The following PCNT variants were observed in gnomAD, a reference collection of about 807,000 sequenced individuals.
The protein encoded by PCNT is kendrin.
PCNT carries 319 observed loss-of-function variants against 380.4 expected under a neutral mutation model. The observed-to-expected ratio is 0.84, with a 90% confidence interval of 0.77 to 0.92. The LOEUF (loss-of-function observed/expected upper bound fraction) is 0.92, where lower values mean the gene tolerates loss of function less well. PCNT is among the 40% of genes least tolerant of loss of function. PCNT has a pLI of 0.00. For missense variants in PCNT, 4,400 were observed against 4,255.3 expected, an observed-to-expected ratio of 1.03 and a Z score of -0.95; for synonymous variants, 1,845 against 1,735.2, an observed-to-expected ratio of 1.06 and a Z score of -1.57.
chr21:46,431,765 G>T lies in PCNT; in HGVS notation c.8301G>T (p.Leu2767=). The change falls in exon 38 of 47, where the codon CTG becomes CTT. Residue 2767 remains leucine (L), a synonymous_variant. Coordinates refer to ENST00000359568, the MANE Select transcript of PCNT (RefSeq NM_006031.6). ...AGGCCTTGCGGCACGAGCGGCTCCT[G>T]ACCGAGCAGCTGAGCCAGAGGACAC... ...LSEALRHERL[L]TEQLSQRTQE... 6.2e-7 allele frequency: 1 copy of T among 1,612,800 alleles called. No homozygotes were observed.
At chr21:46,330,264 T>A (rs550079139) in intron 2 of PCNT, among the ~76,000 whole-genome samples, 16 of 152,080 alleles carry the variant, frequency 1.1e-4, no homozygotes, top group African/African-American at 3.9e-4. Context: ...ACTACAGGCA[T>A]GTGCCACCAT....
At chr21:46,391,908 C>T (rs1325180496) in intron 21 of PCNT, among the ~76,000 whole-genome samples, 1 of 152,188 alleles carries the variant, frequency 6.6e-6, no homozygotes. Flanking sequence ...CGAGCAAAGG[C>T]TTTTCACATT....
chr21:46,436,843 G>T, intron 39 of PCNT, 136 bp from the exon 40 acceptor site: 1 of 729,004 alleles, frequency 1.4e-6, no homozygotes. Context: ...TCTGCCTCAC[G>T]GCTGGACGAA....
intron 2 of PCNT, among the ~76,000 whole-genome samples, chr21:46,331,156 AAGTCTTTTTTCTTTTTTTTG>A (rs935814739): frequency 1.3e-5 from 2 of 152,126 alleles, no homozygotes; most frequent in African/African-American, 4.8e-5. Context: ...TTTCTAGCAT[AAGTCTTTTTTCTTTTTTTTG>A]GAGACAGGTC....
chr21:46,372,094 G>A (rs1053114481), intron 15 of PCNT, among the ~76,000 whole-genome samples: 2 of 142,960 alleles, frequency 1.4e-5, no homozygotes, highest in East Asian at 4.2e-4. Context: ...CGCACACATA[G>A]CACATGTGCA....
chr21:46,379,940 G>T (rs2085457127), intron 15 of PCNT, among the ~76,000 whole-genome samples: 1 of 152,114 alleles, frequency 6.6e-6, no homozygotes, highest in Non-Finnish European at 1.5e-5. Context: ...TTTCCAGCGT[G>T]GGCACAGCCC....
chr21:46,403,176 C>A (rs1205425869), intron 27 of PCNT, among the ~76,000 whole-genome samples: 1 of 145,772 alleles, frequency 6.9e-6, no homozygotes, highest in Non-Finnish European at 1.5e-5. Context: ...CCACGCGGCG[C>A]GTGCTCGGTG....
Position 46,325,103 on chromosome 21 carries a change from C to G in PCNT, c.54+821C>G, listed in dbSNP as rs2083330267. The G allele has an allele frequency of 3.2e-5, 32 of 985,542 alleles. No homozygotes were observed. In the South Asian group the frequency reaches 1.3e-3, roughly 40 times the overall value. 61.0% of individuals were successfully genotyped at this position (985,542 alleles called of 1,614,324 possible). ...AAGCGCTCGGTTTGATGGCCACTGT[C>G]CTAGGTTTCGTGGGAATAAAGCGCG... On this transcript the variant is annotated intron_variant, in intron 1 of 46. Transcript: ENST00000359568.
chr21:46,391,215 C>T lies in PCNT; in HGVS notation c.4055C>T (p.Ala1352Val), dbSNP rs1304554276. Residue 1352 changes from alanine to valine, a missense_variant, in exon 21 of 47, where the codon GCC becomes GTC. Transcript: ENST00000359568. ...VETADLKEVL[A>V]GKEDSEHRLV... ...ACAGCAGATCTGAAGGAGGTGCTGGCCGGGAAGGAGGATTCCGAGCACCGT... is the reference window on the plus strand; with the variant it reads ...ACAGCAGATCTGAAGGAGGTGCTGGTCGGGAAGGAGGATTCCGAGCACCGT... 3.1e-6 allele frequency: 5 copies of T among 1,609,296 alleles called. No individual in the cohort carries two copies. The highest frequency in any genetic ancestry group is 4.2e-6 in the Non-Finnish European group (5 of 1,178,008).
chr21:46,416,939 A>T, intron 30 of PCNT, 100 bp downstream of exon 30: 1 of 1,205,538 alleles, frequency 8.3e-7, no homozygotes, highest in African/African-American at 1.5e-5. Flanking sequence ...CTGACAGCAC[A>T]CACCTCGCAG....
Position 46,411,312 on chromosome 21 carries a change from G to C in PCNT, c.5239G>C (p.Glu1747Gln). 1 of 1,614,196 alleles carries C rather than the reference G, an allele frequency of 6.2e-7. No individual in the cohort carries two copies. The highest frequency in any genetic ancestry group is 1.3e-5 in the African/African-American group (1 of 75,074). Residue 1747 changes from glutamate to glutamine, a missense_variant, in exon 28 of 47, where the codon GAG becomes CAG. Coordinates refer to ENST00000359568, the MANE Select transcript of PCNT (RefSeq NM_006031.6). The part of the protein sequence containing the change: ...EEIEQLHEVI[E>Q]KLQHELSLMG... ...AATTGAACAACTCCATGAAGTCATTGAGAAGCTGCAGCACGAGCTGTCCCT... is the reference window on the plus strand; with the variant it reads ...AATTGAACAACTCCATGAAGTCATTCAGAAGCTGCAGCACGAGCTGTCCCT...
At position 46,349,747 on chromosome 21, in the gene PCNT, A is replaced by G; in HGVS notation, c.1271A>G (p.Gln424Arg). The G allele has an allele frequency of 6.2e-7, 1 of 1,613,928 alleles. No homozygotes were observed. The highest frequency in any genetic ancestry group is 8.5e-7 in the Non-Finnish European group (1 of 1,179,776). ...ATTGAGAAGTTACGTGAAGACCTGC[A>G]GTCCGAGCACGGCCGGTGTTTAGAA... ...AAIEKLREDL[Q>R]SEHGRCLEDL... The change falls in exon 8 of 47, where the codon CAG becomes CGG. Residue 424 changes from glutamine to arginine, a missense_variant. Transcript: ENST00000359568.
chr21:46,439,092 TTA>T (rs1240436465), intron 41 of PCNT, among the ~76,000 whole-genome samples: 1 of 152,210 alleles, frequency 6.6e-6, no homozygotes, highest in East Asian at 1.9e-4. Flanking sequence ...TTATAACTTT[TTA>T]AAAATTATTT....
chr21:46,343,519 G>C (rs1235130441), intron 3 of PCNT, among the ~76,000 whole-genome samples: 1 of 152,154 alleles, frequency 6.6e-6, no homozygotes, highest in Non-Finnish European at 1.5e-5. Flanking sequence ...GATTCCGTTA[G>C]CTAGTATTTT....
Position 46,397,393 on chromosome 21 carries a change from C to G in PCNT, c.4345C>G (p.Gln1449Glu), listed in dbSNP as rs139432601. The G allele has an allele frequency of 5.9e-3, 9,489 of 1,614,208 alleles. 54 individuals carry two copies. Among genetic ancestry groups the G allele is most frequent in the Non-Finnish European group, 7.3e-3 (8,578 of 1,180,030 alleles). ...LESELEEQLSQHRGCAKQAEA... is the reference protein window; with the variant it reads ...LESELEEQLSEHRGCAKQAEA... The stretch of plus-strand genomic sequence containing the variant: ...GTCTGAGTTAGAAGAACAGCTGTCT[C>G]AGCATCGCGGGTGTGCCAAGCAGGC... Residue 1449 changes from glutamine (Q) to glutamate (E), a missense_variant, in exon 22 of 47, where the codon CAG (glutamine) becomes GAG (glutamate). By Grantham distance (29) the Gln-to-Glu change is conservative. Transcript: ENST00000359568.
At chr21:46,346,282 T>C in intron 4 of PCNT, 74 bp downstream of exon 4, 1 of 550,610 alleles carries the variant, frequency 1.8e-6, no homozygotes, top group Non-Finnish European at 3.5e-6. Context: ...GGCATCCGGG[T>C]GGGGGTGGGG....
intron 27 of PCNT, among the ~76,000 whole-genome samples, chr21:46,409,776 T>C (rs1405654399): frequency 6.6e-6 from 1 of 152,016 alleles, no homozygotes; most frequent in Non-Finnish European, 1.5e-5. Context: ...GTATTTTTAC[T>C]AGAGACCAGG....
chr21:46,430,386 G>A lies in PCNT; in HGVS notation c.7914-121G>A, dbSNP rs932103270. 2.8e-6 allele frequency: 4 copies of A among 1,435,254 alleles called. No homozygotes were observed. In the African/African-American group the frequency reaches 4.3e-5, roughly 15 times the overall value. The allele number at this position is 1,435,254 out of a possible 1,614,324, so 88.9% of individuals were successfully genotyped here. On this transcript the variant is annotated intron_variant, in intron 36 of 46. Coordinates refer to ENST00000359568, the MANE Select transcript of PCNT (RefSeq NM_006031.6). ...CTGTCCCTGGGTTGATAATCCTGTG[G>A]TGGGGGGTGAAGCACACGTGTGGGA...
chr21:46,426,061 A>ATTTC (rs1319252131), intron 33 of PCNT, 90 bp downstream of exon 33: 1 of 420,432 alleles, frequency 2.4e-6, no homozygotes, highest in Non-Finnish European at 4.0e-6. Flanking sequence ...GGACACTAGG[A>ATTTC]TTTCTTTCTT....
Sources: allele counts gnomAD v4.1 joint callset (sites outside exome capture counted in the v4.1 genomes callset), GRCh38; gene constraint gnomAD v4.1.1; transcripts MANE v1.5; gene names NCBI Gene and HGNC (gene_info 2026-07-23, HGNC 2026-07-21).